Variants in OPCML observed in about 807,000 individuals in gnomAD.
OPCML encodes the protein opioid binding protein/cell adhesion molecule like.
OPCML carries 13 observed loss-of-function variants against 37.8 expected under a neutral mutation model. The observed-to-expected ratio is 0.34, with a 90% confidence interval of 0.22 to 0.55. The LOEUF (loss-of-function observed/expected upper bound fraction) is 0.55, where lower values mean the gene tolerates loss of function less well. Ranked by LOEUF, OPCML falls within the 20% of genes least tolerant of loss-of-function variation. The pLI is 0.91. For missense variants in OPCML, 341 were observed against 435.6 expected (o/e 0.78, Z 1.93); for synonymous variants, 176 against 168.8 (o/e 1.04, Z -0.33).
chr11:133,417,763 C>A (rs974905820), intron 1 of OPCML, among the ~76,000 whole-genome samples: 1 of 151,840 alleles, frequency 6.6e-6, no homozygotes, highest in Non-Finnish European at 1.5e-5. Flanking sequence ...CGGGAGGAGA[C>A]CACCAATTGA....
At chr11:132,736,139 T>C (rs1213009617) in intron 2 of OPCML, among the ~76,000 whole-genome samples, 1 of 152,222 alleles carries the variant, frequency 6.6e-6, no homozygotes, top group Non-Finnish European at 1.5e-5. Context: ...ACAGTGATTA[T>C]GCTATGCCTG....
chr11:133,426,217 C>G (rs1023693377), intron 1 of OPCML, among the ~76,000 whole-genome samples: 18 of 152,320 alleles, frequency 1.2e-4, no homozygotes, highest in Non-Finnish European at 2.2e-4. Context: ...CTGTTACACT[C>G]AGACCAGATA....
chr11:133,115,032 T>C (rs2137101783), intron 1 of OPCML, among the ~76,000 whole-genome samples: 1 of 152,326 alleles, frequency 6.6e-6, no homozygotes, highest in East Asian at 1.9e-4. Context: ...TCATGTAGGA[T>C]TTTAGTTAAA....
chr11:133,348,962 C>T (rs1944065511), intron 1 of OPCML, among the ~76,000 whole-genome samples: 1 of 152,166 alleles, frequency 6.6e-6, no homozygotes, highest in Non-Finnish European at 1.5e-5. Context: ...AGCGTGCAGG[C>T]CTGGGTGTGA....
At chr11:132,673,232 C>T (rs184323565) in intron 2 of OPCML, among the ~76,000 whole-genome samples, 12 of 152,166 alleles carry the variant, frequency 7.9e-5, no homozygotes, top group African/African-American at 1.7e-4. Context: ...GTCCTTAGAA[C>T]GCATGGGTGA....
At chr11:133,254,201 T>C (rs1329749264) in intron 1 of OPCML, among the ~76,000 whole-genome samples, 1 of 152,178 alleles carries the variant, frequency 6.6e-6, no homozygotes, top group Non-Finnish European at 1.5e-5. Context: ...AATTGGGCTT[T>C]GAATGATGAC....
chr11:133,113,982 A>C (rs1422642102), intron 1 of OPCML, among the ~76,000 whole-genome samples: 1 of 152,242 alleles, frequency 6.6e-6, no homozygotes, highest in Non-Finnish European at 1.5e-5. Flanking sequence ...ATGCTTGGGA[A>C]GACGCTATGA....
rs541995511 is a variant in OPCML at position 132,550,950 on chromosome 11, C to CAAT, written c.380-21767_380-21765dup. ...GACTTTGGATGGGAAGGAAATGGACCAATGGAGGAACTCCTGGGCTATCAT... is the reference window on the plus strand; with the variant it reads ...GACTTTGGATGGGAAGGAAATGGACCAATAATGGAGGAACTCCTGGGCTATCAT... On this transcript the variant is annotated intron_variant, in intron 3 of 7. Transcript: ENST00000524381. 9.9e-4 allele frequency among the ~76,000 whole-genome samples: 151 copies of CAAT among 152,238 alleles called. 3 individuals carry two copies. The South Asian group carries it at 0.03, about 31-fold the overall frequency.
At chr11:132,979,820 G>A (rs1847938623) in intron 1 of OPCML, among the ~76,000 whole-genome samples, 1 of 152,170 alleles carries the variant, frequency 6.6e-6, no homozygotes, top group Non-Finnish European at 1.5e-5. Context: ...CAGCTTGTAA[G>A]AGACTGAGAA....
intron 1 of OPCML, among the ~76,000 whole-genome samples, chr11:133,515,505 G>A (rs1363766952): frequency 6.6e-6 from 1 of 152,138 alleles, no homozygotes; most frequent in Admixed American, 6.5e-5. Context: ...GGGTTGAAAA[G>A]CCATGCCATA....
intron 4 of OPCML, among the ~76,000 whole-genome samples, chr11:132,486,861 C>CAATT: frequency 6.6e-6 from 1 of 152,218 alleles, no homozygotes; most frequent in Middle Eastern, 3.4e-3. Context: ...TATTTTGAAG[C>CAATT]AATTAAAATT....
At chr11:133,292,612 G>A (rs1241044651) in intron 1 of OPCML, among the ~76,000 whole-genome samples, 1 of 152,128 alleles carries the variant, frequency 6.6e-6, no homozygotes, top group African/African-American at 2.4e-5. Flanking sequence ...TCCGTACGCT[G>A]GGGTTTACTG....
At chr11:133,262,140 C>T (rs1941514778) in intron 1 of OPCML, among the ~76,000 whole-genome samples, 1 of 152,142 alleles carries the variant, frequency 6.6e-6, no homozygotes, top group African/African-American at 2.4e-5. Context: ...ATATAGTATA[C>T]ATTGTGGCAC....
At chr11:133,052,308 A>G (rs567548153) in intron 1 of OPCML, among the ~76,000 whole-genome samples, 13 of 152,354 alleles carry the variant, frequency 8.5e-5, no homozygotes, top group Non-Finnish European at 1.5e-4. Context: ...CCAGCATTAT[A>G]GAATAATCAT....
At chr11:132,582,274 C>G (rs2096463705) in intron 3 of OPCML, among the ~76,000 whole-genome samples, 1 of 151,762 alleles carries the variant, frequency 6.6e-6, no homozygotes, top group South Asian at 2.1e-4. Flanking sequence ...AAAATAGAAG[C>G]TAATACCAAT....
At position 133,270,616 on chromosome 11, in the gene OPCML, G is replaced by A. The variant is rs566338854; in HGVS notation, c.61+261648C>T. Among the ~76,000 whole-genome samples the A allele has an allele frequency of 4.7e-4, 71 of 152,300 alleles. 1 individual carries two copies. The South Asian group carries it at 0.015, about 31-fold the overall frequency. ...AATTTCTTGTTCAATTCAACATGGA[G>A]GTACACTGGCTGACAGAGTGGAAAC... On this transcript the variant is annotated intron_variant, in intron 1 of 7. Coordinates refer to ENST00000524381, the MANE Select transcript of OPCML (RefSeq NM_001012393.5).
At chr11:133,278,022 TG>T (rs1246192589) in intron 1 of OPCML, among the ~76,000 whole-genome samples, 1 of 152,160 alleles carries the variant, frequency 6.6e-6, no homozygotes, top group African/African-American at 2.4e-5. Flanking sequence ...TTAAATTCTG[TG>T]GTCTGTAAGT....
chr11:133,025,238 G>A (rs1947529658), intron 1 of OPCML: 1 of 755,620 alleles, frequency 1.3e-6, no homozygotes, highest in Non-Finnish European at 1.6e-6. Context: ...ATTTTTATTT[G>A]TGCAAATATA....
chr11:133,512,035 T>C (rs893263346), intron 1 of OPCML, among the ~76,000 whole-genome samples: 1 of 152,164 alleles, frequency 6.6e-6, no homozygotes, highest in Non-Finnish European at 1.5e-5. Flanking sequence ...GGTTGGGGGT[T>C]CCTCGCACAC....
Sources: gnomAD v4.1 joint callset for allele counts (sites outside exome capture counted in the v4.1 genomes callset) on GRCh38, gnomAD v4.1.1 for gene constraint, MANE v1.5 for transcripts, NCBI Gene and HGNC (gene_info 2026-07-23, HGNC 2026-07-21) for gene names.